Variants in WDR7 observed in about 807,000 individuals in gnomAD.
The protein encoded by WDR7 is WD repeat domain 7, also known as WD repeat-containing protein 7.
A neutral mutation model predicts 169.4 loss-of-function variants in WDR7; 46 were observed. That is an observed-to-expected ratio of 0.27 (90% CI 0.21 to 0.35). WDR7 has a LOEUF of 0.35. WDR7 is among the 10% of genes least tolerant of loss of function. The pLI, the probability that WDR7 is intolerant of heterozygous loss-of-function variation, is 1.00. For missense variants in WDR7, 1,534 were observed against 1,859.3 expected (o/e 0.83, Z 3.22); for synonymous variants, 612 against 666.8 (o/e 0.92, Z 1.27).
chr18:56,961,524 A>T (rs1473799238), intron 25 of WDR7, among the ~76,000 whole-genome samples: 2 of 152,122 alleles, frequency 1.3e-5, no homozygotes, highest in Non-Finnish European at 2.9e-5. Flanking sequence ...ATGGGAAGGT[A>T]TATTTGAAAC....
At chr18:56,816,436 C>G (rs758574699) in intron 20 of WDR7, among the ~76,000 whole-genome samples, 3 of 152,054 alleles carry the variant, frequency 2.0e-5, no homozygotes, top group Non-Finnish European at 4.4e-5. Flanking sequence ...ATTGCTAAAG[C>G]CTTGGAATGT....
chr18:57,026,300 G>A (rs11151987), intron 27 of WDR7, among the ~76,000 whole-genome samples: 48,690 of 152,166 alleles, frequency 0.32, 8,663 homozygotes, highest in East Asian at 0.51. Flanking sequence ...AAAAGCAGAA[G>A]TTATCAATTG....
intron 19 of WDR7, among the ~76,000 whole-genome samples, chr18:56,794,535 T>C (rs1364567803): frequency 1.3e-5 from 2 of 151,880 alleles, no homozygotes; most frequent in Admixed American, 1.3e-4. Flanking sequence ...GGTCTCGATC[T>C]CCTGACCTTG....
rs572504511 is a variant in WDR7, at chr18:56,922,267, T to C, written c.3527-1655T>C. ...ATTTTTCATTTATGTAAATAATGTG[T>C]GCACTGTGGTTGGTGGTTTAGAAGA... On this transcript the variant is annotated intron_variant, in intron 21 of 27. Transcript: ENST00000254442. Among the ~76,000 whole-genome samples, 7 of 152,298 alleles carry C rather than the reference T, an allele frequency of 4.6e-5. No individual in the cohort carries two copies. The South Asian group carries it at 1.5e-3, about 32-fold the overall frequency.
At chr18:56,820,031 T>A (rs2045060598) in intron 20 of WDR7, among the ~76,000 whole-genome samples, 2 of 152,194 alleles carry the variant, frequency 1.3e-5, no homozygotes, top group South Asian at 4.1e-4. Flanking sequence ...TTGATCATAA[T>A]CTGCTTAAGT....
At chr18:57,030,544 G>A (rs2048435458), downstream of WDR7, 1 of 152,194 alleles carries the variant, frequency 6.6e-6, no homozygotes, top group African/African-American at 2.4e-5. Flanking sequence ...GTGGAAAGGC[G>A]TGACGTTAAT....
intron 26 of WDR7, among the ~76,000 whole-genome samples, chr18:56,989,866 C>T (rs1027922596): frequency 6.6e-6 from 1 of 152,150 alleles, no homozygotes; most frequent in Non-Finnish European, 1.5e-5. Context: ...TCATCACTTA[C>T]ATGGCTGAGT....
At chr18:56,819,625 A>G (rs1276182621) in intron 20 of WDR7, among the ~76,000 whole-genome samples, 2 of 152,168 alleles carry the variant, frequency 1.3e-5, no homozygotes, top group East Asian at 1.9e-4. Flanking sequence ...AACCTATTCA[A>G]TATTCAAACC....
Position 56,962,456 on chromosome 18 carries a change from G to A in WDR7, c.4091G>A (p.Arg1364Gln), listed in dbSNP as rs777597054. 9 of 1,612,848 alleles carry A rather than the reference G, an allele frequency of 5.6e-6. No homozygotes were observed. Among genetic ancestry groups the A allele is most frequent in the South Asian group, 2.2e-5 (2 of 91,050 alleles). Residue 1364 changes from arginine to glutamine, a missense_variant, in exon 26 of 28, where the codon CGG becomes CAG. Coordinates refer to ENST00000254442, the MANE Select transcript of WDR7 (RefSeq NM_015285.3). ...CRFYMVSYYE[R>Q]NHRIAVGARH... ...TTCTACATGGTCAGCTATTATGAGC[G>A]GAATCACAGAATAGCAGTTGGAGCT...
chr18:56,777,998 C>T (rs907176906), intron 17 of WDR7, among the ~76,000 whole-genome samples: 3 of 152,138 alleles, frequency 2.0e-5, no homozygotes, highest in Non-Finnish European at 4.4e-5. Flanking sequence ...TAAAATTTAG[C>T]TCATGAATAC....
At chr18:56,861,248 G>A (rs1011332051) in intron 20 of WDR7, among the ~76,000 whole-genome samples, 1 of 152,022 alleles carries the variant, frequency 6.6e-6, no homozygotes, top group African/African-American at 2.4e-5. Flanking sequence ...TTTTCATGCC[G>A]GCGTGTGAGC....
chr18:56,660,318 A>G (rs1255372707), intron 1 of WDR7, among the ~76,000 whole-genome samples: 1 of 152,176 alleles, frequency 6.6e-6, no homozygotes, highest in African/African-American at 2.4e-5. Context: ...CATCCCACAC[A>G]ATAAACTGGG....
intron 12 of WDR7, among the ~76,000 whole-genome samples, chr18:56,704,127 C>A (rs1028033016): frequency 2.0e-5 from 3 of 152,114 alleles, no homozygotes; most frequent in Non-Finnish European, 4.4e-5. Flanking sequence ...CATTTTAAAG[C>A]ACAAATGTAT....
intron 21 of WDR7, among the ~76,000 whole-genome samples, chr18:56,885,759 G>A (rs1364515730): frequency 2.6e-4 from 40 of 151,270 alleles, no homozygotes; most frequent in Non-Finnish European, 7.4e-5. Context: ...CCCAGGAGGC[G>A]GAGTTCGCAG....
chr18:57,017,477 CTGTGTGTGTGTGTGTGTGTGTGTGTG>C (rs57440164), intron 26 of WDR7, among the ~76,000 whole-genome samples: 2 of 134,726 alleles, frequency 1.5e-5, no homozygotes, highest in African/African-American at 5.9e-5. Flanking sequence ...CCAAGTCATG[CTGTGTGTGTGTGTGTGTGTGTGTGTG>C]TGTGTGTGTG....
At chr18:56,971,418 C>T (rs529905436) in intron 26 of WDR7, among the ~76,000 whole-genome samples, 3 of 151,842 alleles carry the variant, frequency 2.0e-5, no homozygotes, top group Non-Finnish European at 4.4e-5. Flanking sequence ...CTTATGATGG[C>T]TCTTATGTGC....
chr18:56,811,749 G>A (rs113613307), intron 19 of WDR7, among the ~76,000 whole-genome samples: 8 of 151,978 alleles, frequency 5.3e-5, no homozygotes, highest in African/African-American at 1.4e-4. Flanking sequence ...TTCCCCCATC[G>A]AATTGGTTTT....
chr18:56,936,927 A>G (rs2046968160), intron 23 of WDR7, among the ~76,000 whole-genome samples: 1 of 152,210 alleles, frequency 6.6e-6, no homozygotes, highest in Non-Finnish European at 1.5e-5. Flanking sequence ...ATAGTTTTAT[A>G]TAATGTGTGC....
At chr18:56,817,542 A>T (rs115293608) in intron 20 of WDR7, among the ~76,000 whole-genome samples, 1 of 151,996 alleles carries the variant, frequency 6.6e-6, no homozygotes, top group South Asian at 2.1e-4. Context: ...GAGTTGGGGA[A>T]CATCTGATTT....
Sources: allele counts gnomAD v4.1 joint callset (sites outside exome capture counted in the v4.1 genomes callset), GRCh38; gene constraint gnomAD v4.1.1; transcripts MANE v1.5; gene names NCBI Gene and HGNC (gene_info 2026-07-23, HGNC 2026-07-21).